Variants in KCNN3 observed in about 807,000 individuals in gnomAD.
KCNN3 encodes potassium calcium-activated channel subfamily N member 3, also known as small conductance calcium-activated potassium channel protein 3.
KCNN3 carries 16 observed loss-of-function variants against 62.9 expected under a neutral mutation model. That is an observed-to-expected ratio of 0.25 (90% CI 0.17 to 0.39). KCNN3 has a LOEUF of 0.39. Among genes scored for constraint, KCNN3 ranks in the 10% least tolerant of loss-of-function variants. KCNN3 has a pLI of 1.00. For missense variants in KCNN3, 599 were observed against 949.4 expected, an observed-to-expected ratio of 0.63 and a Z score of 4.85; for synonymous variants, 370 against 389.2, an observed-to-expected ratio of 0.95 and a Z score of 0.58.
chr1:154,783,781 C>T (rs954875872), intron 2 of KCNN3, among the ~76,000 whole-genome samples: 1 of 152,180 alleles, frequency 6.6e-6, no homozygotes, highest in Non-Finnish European at 1.5e-5. Context: ...CTTGACCACC[C>T]ATGAGACAGG....
chr1:154,729,191 G>T (rs1700538723), intron 4 of KCNN3, among the ~76,000 whole-genome samples: 1 of 152,170 alleles, frequency 6.6e-6, no homozygotes, highest in Admixed American at 6.5e-5. Context: ...GTAAACAGCT[G>T]CTGCTATGAC....
intron 2 of KCNN3, among the ~76,000 whole-genome samples, chr1:154,774,774 G>A (rs553793699): frequency 2.7e-4 from 41 of 152,366 alleles, no homozygotes; most frequent in African/African-American, 9.9e-4. Context: ...CCTTTAAGGA[G>A]GAGCTAGCAG....
chr1:154,866,850 C>G (rs1393259143), intron 1 of KCNN3, among the ~76,000 whole-genome samples: 1 of 152,220 alleles, frequency 6.6e-6, no homozygotes, highest in African/African-American at 2.4e-5. Context: ...AATCTGCCTT[C>G]CGCATCTCTG....
Position 154,703,197 on chromosome 1 carries a change from G to T in KCNN3, c.*4779C>A, listed in dbSNP as rs1699894635. 6.6e-6 allele frequency: 1 copy of T among 152,022 alleles called. No individual in the cohort carries two copies. Among genetic ancestry groups the T allele is most frequent in the Admixed American group, 6.6e-5 (1 of 15,264 alleles). The allele number at this position is 152,022 out of a possible 1,614,324, so 9.4% of individuals were successfully genotyped here. ...TTTAACATTAATTTCTATTCATGCA[G>T]CCTGGCACAAGCTTTCTACTACCAC... On this transcript the variant is annotated 3_prime_UTR_variant, in exon 8 of 8. Coordinates refer to ENST00000271915, the MANE Select transcript of KCNN3 (RefSeq NM_002249.6).
At chr1:154,732,128 GA>G in intron 4 of KCNN3, among the ~76,000 whole-genome samples, 1 of 152,334 alleles carries the variant, frequency 6.6e-6, no homozygotes, top group East Asian at 1.9e-4. Flanking sequence ...AACCAATGGG[GA>G]GGGCAGGGCA....
intron 1 of KCNN3, among the ~76,000 whole-genome samples, chr1:154,854,349 T>C (rs972404547): frequency 6.6e-5 from 10 of 152,212 alleles, no homozygotes; most frequent in African/African-American, 2.2e-4. Context: ...TGATTGTTAT[T>C]GATGATGACA....
At chr1:154,732,248 G>A (rs1033845113) in intron 4 of KCNN3, among the ~76,000 whole-genome samples, 1 of 152,212 alleles carries the variant, frequency 6.6e-6, no homozygotes, top group African/African-American at 2.4e-5. Context: ...CCTCTCATAA[G>A]CCACACTGTG....
In KCNN3 at chr1:154,822,173, A is replaced by G; in HGVS notation, c.945T>C (p.Phe315=). The G allele has an allele frequency of 1.9e-6, 3 of 1,612,438 alleles. No individual in the cohort carries two copies. The South Asian group carries it at 3.3e-5, about 18-fold the overall frequency. The change falls in exon 2 of 8, where the codon TTT becomes TTC. Residue 315 remains phenylalanine, a synonymous_variant. Transcript: ENST00000271915. ...TGATAAGGCATTTCAGGGCCAACGA[A>G]AACATGGAGTCCTGCAGGAACAATG... The part of the protein sequence containing the change: ...SWGLYSKDSM[F]SLALKCLISL...
intron 2 of KCNN3, among the ~76,000 whole-genome samples, chr1:154,789,366 C>T (rs751083677): frequency 1.3e-5 from 2 of 152,166 alleles, no homozygotes; most frequent in Admixed American, 1.3e-4. Flanking sequence ...TGCAAAGTCC[C>T]TTTTGCCAGG....
At position 154,785,808 on chromosome 1, in the gene KCNN3, C is replaced by T. The variant is rs796267659; in HGVS notation, c.1030-13415G>A. 4.6e-5 allele frequency among the ~76,000 whole-genome samples: 7 copies of T among 151,950 alleles called. 2 individuals are homozygous for T. Among genetic ancestry groups the T allele is most frequent in the African/African-American group, 1.4e-4 (6 of 41,428 alleles). ...TAGAGGTGGGGTTTTGCGATGTTGG[C>T]CAGGCTGGTCTCAAACTCCTAGCCT... is the stretch of plus-strand genomic sequence containing the variant. On this transcript the variant is annotated intron_variant, in intron 2 of 7. Transcript: ENST00000271915.
rs969873948 is a variant in KCNN3 at position 154,734,408 on chromosome 1, A to G, written c.1449-1264T>C. Among the ~76,000 whole-genome samples the G allele has an allele frequency of 3.9e-5, 6 of 152,338 alleles. No individual in the cohort carries two copies. The South Asian group carries it at 1.2e-3, about 32-fold the overall frequency. On this transcript the variant is annotated intron_variant, in intron 3 of 7. Transcript: ENST00000271915. ...AAAAGCCATTTAGGAACCTTAATCTATGGAAGTCAGTTACCATTGGGGCTT... is the reference window on the plus strand; with the variant it reads ...AAAAGCCATTTAGGAACCTTAATCTGTGGAAGTCAGTTACCATTGGGGCTT...
intron 1 of KCNN3, among the ~76,000 whole-genome samples, chr1:154,847,689 C>T (rs1424225306): frequency 6.6e-6 from 1 of 152,236 alleles, no homozygotes; most frequent in African/African-American, 2.4e-5. Context: ...CCCAAGTCTT[C>T]AACTCCTTTA....
At chr1:154,749,702 G>A (rs7530704) in intron 3 of KCNN3, among the ~76,000 whole-genome samples, 38,574 of 152,080 alleles carry the variant, frequency 0.25, 5,151 homozygotes, top group Middle Eastern at 0.36. Context: ...AGAAAGAGAG[G>A]GACAGGGATG....
At chr1:154,744,941 AT>A (rs1485626081) in intron 3 of KCNN3, among the ~76,000 whole-genome samples, 27 of 147,684 alleles carry the variant, frequency 1.8e-4, no homozygotes, top group African/African-American at 6.2e-4. Context: ...AAAAAAAAAA[AT>A]AGTTCGTTCT....
intron 1 of KCNN3, among the ~76,000 whole-genome samples, chr1:154,849,602 G>A (rs562770740): frequency 3.3e-5 from 5 of 152,250 alleles, no homozygotes; most frequent in Non-Finnish European, 7.3e-5. Flanking sequence ...GGCATGAGGA[G>A]TCAGGACTTG....
chr1:154,829,593 C>T (rs1328991323), intron 1 of KCNN3, among the ~76,000 whole-genome samples: 1 of 152,200 alleles, frequency 6.6e-6, no homozygotes, highest in Admixed American at 6.5e-5. Flanking sequence ...ACTCTCCTCT[C>T]AGTCCCAGGA....
At position 154,705,398 on chromosome 1, in the gene KCNN3, A is replaced by G. The variant is rs1699948420; in HGVS notation, c.*2578T>C. 3 of 152,142 alleles carry G rather than the reference A, an allele frequency of 2.0e-5. No homozygotes were observed. The South Asian group carries it at 6.2e-4, about 32-fold the overall frequency. 9.4% of individuals were successfully genotyped at this position (152,142 alleles called of 1,614,324 possible). On this transcript the variant is annotated 3_prime_UTR_variant, in exon 8 of 8. Transcript: ENST00000271915. ...TGCAGGTTTGATCACTTTTTTTTTG[A>G]AGCATTTTCTTTTGCCAAGAATAAA...
intron 2 of KCNN3, among the ~76,000 whole-genome samples, chr1:154,788,491 T>C (rs1049188064): frequency 1.1e-4 from 17 of 152,230 alleles, no homozygotes; most frequent in Admixed American, 8.5e-4. Flanking sequence ...GTAACAGCTA[T>C]TAATATTTCA....
At chr1:154,828,241 C>G (rs1557996543) in intron 1 of KCNN3, among the ~76,000 whole-genome samples, 7 of 152,122 alleles carry the variant, frequency 4.6e-5, no homozygotes, top group Non-Finnish European at 1.0e-4. Context: ...AAATGAGACT[C>G]CTGGACAGAA....
Sources: gnomAD v4.1 joint callset for allele counts (sites outside exome capture counted in the v4.1 genomes callset) on GRCh38, gnomAD v4.1.1 for gene constraint, MANE v1.5 for transcripts, NCBI Gene and HGNC (gene_info 2026-07-23, HGNC 2026-07-21) for gene names.